The following SATB1 variants were observed in gnomAD, a reference collection of about 807,000 sequenced individuals.
SATB1 encodes DNA-binding protein SATB1.
In SATB1, 11 loss-of-function variants were observed where a neutral mutation model predicts 86.9. That is an observed-to-expected ratio of 0.13 (90% CI 0.08 to 0.21). The LOEUF (loss-of-function observed/expected upper bound fraction) is 0.21. Ranked by LOEUF, SATB1 falls within the 10% of genes least tolerant of loss-of-function variation. The pLI is 1.00. For missense variants in SATB1, 551 were observed against 937.6 expected, an observed-to-expected ratio of 0.59 and a Z score of 5.39; for synonymous variants, 357 against 357.2, an observed-to-expected ratio of 1.00 and a Z score of 0.01.
intron 5 of SATB1, among the ~76,000 whole-genome samples, chr3:18,414,451 A>T (rs1423769286): frequency 2.0e-5 from 3 of 152,026 alleles, no homozygotes; most frequent in South Asian, 2.1e-4. Flanking sequence ...GAAAATCATT[A>T]AAAAAATCTT....
chr3:18,440,112 C>A (rs1423323247), upstream of SATB1, among the ~76,000 whole-genome samples: 1 of 152,150 alleles, frequency 6.6e-6, no homozygotes, highest in African/African-American at 2.4e-5. Flanking sequence ...TCTGAGGAAT[C>A]AAATAGTTTA....
chr3:18,388,480 T>C (rs565398850), intron 7 of SATB1, among the ~76,000 whole-genome samples: 2 of 152,302 alleles, frequency 1.3e-5, no homozygotes, highest in East Asian at 1.9e-4. Flanking sequence ...AAACACAATA[T>C]GCTACAAATT....
At position 18,444,060 on chromosome 3, in the gene SATB1, G is replaced by A. The variant is rs1055767701; in HGVS notation, c.-25+1458C>T. Among the ~76,000 whole-genome samples, 9 of 152,088 alleles carry A rather than the reference G, an allele frequency of 5.9e-5. No individual in the cohort carries two copies. Among genetic ancestry groups the A allele is most frequent in the Non-Finnish European group, 1.3e-4 (9 of 68,018 alleles). ...TTCGCCGATGCTTACAATCAGCCGC[G>A]CAGGCAGGGAGCGGAGGGAGGCGGA... On this transcript the variant is annotated intron_variant, in intron 1 of 3. Coordinates refer to the SATB1 transcript ENST00000415069. This position sits in a 1 kb window ranked among gnomAD's most constrained non-coding sequence, Gnocchi z 5.1.
In SATB1 at chr3:18,349,693, A is replaced by T. The variant is rs1428856993; in HGVS notation, c.1780-11T>A. ...TTGCTGCTGCTGTTGCTGCAAAGAA[A>T]CAAGGAGACAATCAGAGCTCTGCTA... On this transcript the variant is annotated splice_polypyrimidine_tract_variant and intron_variant, in intron 10 of 10. Coordinates refer to ENST00000338745, the MANE Select transcript of SATB1 (RefSeq NM_002971.6). The surrounding 1 kb of genome is among the most constrained non-coding windows in gnomAD (Gnocchi z 5.5). 2 of 1,584,650 alleles carry T rather than the reference A, an allele frequency of 1.3e-6. No individual in the cohort carries two copies. Among genetic ancestry groups the T allele is most frequent in the South Asian group, 2.3e-5 (2 of 88,514 alleles).
Position 18,352,442 on chromosome 3 carries a change from A to T in SATB1, c.1576-247T>A, listed in dbSNP as rs533148093. On this transcript the variant is annotated intron_variant, in intron 9 of 10. Coordinates refer to ENST00000338745, the MANE Select transcript of SATB1 (RefSeq NM_002971.6). This position sits in a 1 kb window ranked among gnomAD's most constrained non-coding sequence, Gnocchi z 4.1. ...GAGGGACATATTTTTTCAGACTCTG[A>T]GGGTAACAGAGCATTTATCACAGAT... 14 of 466,956 alleles carry T rather than the reference A, an allele frequency of 3.0e-5. No individual in the cohort carries two copies. The highest frequency in any genetic ancestry group is 2.4e-4 in the South Asian group (9 of 37,028). 28.9% of individuals were successfully genotyped at this position (466,956 alleles called of 1,614,324 possible). A position where few individuals can be genotyped will look rare whatever the true frequency, so the allele number is the denominator to read the frequency against.
chr3:18,390,713 C>A (rs2125107458), intron 7 of SATB1, among the ~76,000 whole-genome samples: 1 of 152,176 alleles, frequency 6.6e-6, no homozygotes, highest in East Asian at 1.9e-4. Context: ...AATCCATCTT[C>A]ATTCTTTATT....
chr3:18,418,260 A>G (rs1698218942), intron 2 of SATB1, among the ~76,000 whole-genome samples: 1 of 152,100 alleles, frequency 6.6e-6, no homozygotes, highest in African/African-American at 2.4e-5. Context: ...GTGCACACCA[A>G]CCGTAGCTAA....
Position 18,349,633 on chromosome 3 carries a change from G to A in SATB1, c.1829C>T (p.Pro610Leu), listed in dbSNP as rs772415685. ...QQQQQQQQAP[P>L]PPQPQQQPQT... ...TGGCTGCTGCTGTGGCTGTGGAGGC[G>A]GCGGTGCCTGCTGCTGCTGCTGCTG... Residue 610 changes from proline to leucine, a missense_variant, in exon 11 of 11, where the codon CCG becomes CTG. By Grantham distance (98) the Pro-to-Leu change is moderately conservative. This residue lies in a region of SATB1 where 87 missense variants were observed against 103.6 expected (regional missense o/e 0.84). Transcript: ENST00000338745. The surrounding 1 kb of genome is among the most constrained non-coding windows in gnomAD (Gnocchi z 5.5). 1.1e-5 allele frequency: 18 copies of A among 1,612,526 alleles called. No individual in the cohort carries two copies. The highest frequency in any genetic ancestry group is 3.3e-5 in the Admixed American group (2 of 59,914).
At chr3:18,399,119 A>G (rs1697113651) in intron 5 of SATB1, among the ~76,000 whole-genome samples, 1 of 152,194 alleles carries the variant, frequency 6.6e-6, no homozygotes, top group Non-Finnish European at 1.5e-5. Context: ...AATAATACAC[A>G]TGAGTTCTAG....
intron 9 of SATB1, among the ~76,000 whole-genome samples, chr3:18,354,236 A>G (rs375769095): frequency 1.3e-5 from 2 of 152,226 alleles, no homozygotes; most frequent in East Asian, 1.9e-4. Context: ...ATGAAAATAT[A>G]CATTTTCCTA....
At chr3:18,441,636 A>G (rs960017202), upstream of SATB1, among the ~76,000 whole-genome samples, 2 of 152,168 alleles carry the variant, frequency 1.3e-5, no homozygotes, top group African/African-American at 4.8e-5. Context: ...AAAACCCACT[A>G]GAGTGCTTTA....
At chr3:18,422,673 C>T (rs1698449150) in intron 1 of SATB1, among the ~76,000 whole-genome samples, 1 of 152,104 alleles carries the variant, frequency 6.6e-6, no homozygotes, top group African/African-American at 2.4e-5. Flanking sequence ...ATGTGGATAA[C>T]ACAGAGCTTT....
intron 9 of SATB1, among the ~76,000 whole-genome samples, chr3:18,370,515 C>CAAAAAAAAAAAAAAAAAAAAAAAAGGAA (rs11391230): frequency 4.0e-5 from 2 of 49,432 alleles, no homozygotes; most frequent in Non-Finnish European, 7.0e-5. Flanking sequence ...CTGAGAGAGG[C>CAAAAAAAAAAAAAAAAAAAAAAAAGGAA]AAAAAAAAAA....
intron 7 of SATB1, among the ~76,000 whole-genome samples, chr3:18,390,726 A>G (rs1696615614): frequency 6.6e-6 from 1 of 152,084 alleles, no homozygotes; most frequent in Admixed American, 6.6e-5. Flanking sequence ...TCTTTATTTT[A>G]CTGGAAAATA....
chr3:18,397,112 A>T (rs1241033429), intron 6 of SATB1, 67 bp downstream of exon 6: 1 of 892,616 alleles, frequency 1.1e-6, no homozygotes. Context: ...TTTAGATGTG[A>T]CTTTGATAAA....
rs1694080343 is a variant in SATB1 at position 18,346,810 on chromosome 3, T to C, written c.*2360A>G. 1 of 152,164 alleles carries C rather than the reference T, an allele frequency of 6.6e-6. No individual in the cohort carries two copies. Among genetic ancestry groups the C allele is most frequent in the Non-Finnish European group, 1.5e-5 (1 of 68,008 alleles). The allele number at this position is 152,164 out of a possible 1,614,324, so 9.4% of individuals were successfully genotyped here. A position where few individuals can be genotyped will look rare whatever the true frequency, so the allele number is the denominator to read the frequency against. Reference sequence around the variant, plus strand: ...TTATTTGCAACCCAAACTTAGGGGATATAAGGAAGAGGAAGATAACTTCAT... The same window carrying C: ...TTATTTGCAACCCAAACTTAGGGGACATAAGGAAGAGGAAGATAACTTCAT... On this transcript the variant is annotated 3_prime_UTR_variant, in exon 11 of 11. Transcript: ENST00000338745.
chr3:18,370,821 T>C (rs1028067968), intron 9 of SATB1, among the ~76,000 whole-genome samples: 1 of 152,236 alleles, frequency 6.6e-6, no homozygotes, highest in Non-Finnish European at 1.5e-5. Flanking sequence ...ACCTTGCCAC[T>C]GGAATATGCC....
chr3:18,399,255 C>T (rs1697121122), intron 5 of SATB1, among the ~76,000 whole-genome samples: 1 of 152,136 alleles, frequency 6.6e-6, no homozygotes, highest in Non-Finnish European at 1.5e-5. Flanking sequence ...CTTTGCTGCA[C>T]ACCTACTATA....
At chr3:18,373,366 A>G (rs1695570765) in intron 9 of SATB1, among the ~76,000 whole-genome samples, 1 of 152,192 alleles carries the variant, frequency 6.6e-6, no homozygotes, top group Non-Finnish European at 1.5e-5. Flanking sequence ...ATTCCAAAAG[A>G]ATGAATCAGC....
Sources: gnomAD v4.1 joint callset for allele counts (sites outside exome capture counted in the v4.1 genomes callset) on GRCh38, gnomAD v4.1.1 for gene constraint, gnomAD v4.1.1 regional missense constraint, Gnocchi (gnomAD v3.1) non-coding constraint, MANE v1.5 for transcripts, NCBI Gene and HGNC (gene_info 2026-07-23, HGNC 2026-07-21) for gene names.